Variants in CDH3 observed in about 807,000 individuals in gnomAD.
CDH3 encodes the protein cadherin 3.
A neutral mutation model predicts 82.0 loss-of-function variants in CDH3; 54 were observed. The observed-to-expected ratio is 0.66, with a 90% confidence interval of 0.53 to 0.83. CDH3 has a LOEUF of 0.83. CDH3 is among the 40% of genes least tolerant of loss of function. The pLI, the probability that CDH3 is intolerant of heterozygous loss-of-function variation, is 0.00. For missense variants in CDH3, 1,054 were observed against 1,084.6 expected (o/e 0.97, Z 0.40); for synonymous variants, 446 against 437.9 (o/e 1.02, Z -0.23).
rs1054112411 is a variant in CDH3 at position 68,707,308 on chromosome 16, TG to T, written c.99+11388del. Among the ~76,000 whole-genome samples the T allele has an allele frequency of 1.1e-4, 16 of 152,292 alleles. No individual in the cohort carries two copies. The highest frequency in any genetic ancestry group is 2.0e-4 in the Admixed American group (3 of 15,290). On this transcript the variant is annotated intron_variant, in intron 1 of 2. Transcript: ENST00000569080. The surrounding 1 kb of genome is among the most constrained non-coding windows in gnomAD (Gnocchi z 4.5). ...AGCGGGGGGCCAAGGCGCCCAGTCC[TG>T]GGTGTCCTCCTTCACGCCTGGGCTG...
chr16:68,699,300 TGA>T lies in CDH3; in HGVS notation c.*907_*908del, dbSNP rs1454216838. The T allele has an allele frequency of 1.3e-5, 2 of 152,084 alleles. No homozygotes were observed. The highest frequency in any genetic ancestry group is 2.4e-5 in the African/African-American group (1 of 41,410). The allele number at this position is 152,084 out of a possible 1,614,324, so 9.4% of individuals were successfully genotyped here. Reference sequence around the variant, plus strand: ...CTCCTTTGCAAAGTCAGTTGCTCCATGAGAGAGAACCATTAACCTCTTACCCC... The same window carrying T: ...CTCCTTTGCAAAGTCAGTTGCTCCATGAGAGAACCATTAACCTCTTACCCC... On this transcript the variant is annotated 3_prime_UTR_variant, in exon 16 of 16. Transcript: ENST00000264012.
intron 9 of CDH3, among the ~76,000 whole-genome samples, chr16:68,684,217 G>A (rs1470951679): frequency 6.6e-6 from 1 of 152,154 alleles, no homozygotes; most frequent in Non-Finnish European, 1.5e-5. Flanking sequence ...GGGTGACAGA[G>A]CAAGATCCTG....
chr16:68,654,757 C>G (rs1960368422), intron 2 of CDH3, among the ~76,000 whole-genome samples: 2 of 140,526 alleles, frequency 1.4e-5, no homozygotes, highest in African/African-American at 5.2e-5. Context: ...TTAGAGGCGG[C>G]CGGCATGATG....
chr16:68,714,087 C>T (rs1024504782), intron 1 of CDH3, among the ~76,000 whole-genome samples: 1 of 152,046 alleles, frequency 6.6e-6, no homozygotes, highest in African/African-American at 2.4e-5. Flanking sequence ...GTACACGCTA[C>T]CATGCCCAGC....
intron 15 of CDH3, chr16:68,696,347 G>A (rs1310728804): frequency 6.2e-6 from 2 of 322,768 alleles, no homozygotes; most frequent in Non-Finnish European, 1.2e-5. Context: ...GAACCAAGGA[G>A]GCAGAGGTTG....
At chr16:68,650,131 G>T (rs1386597545) in intron 2 of CDH3, among the ~76,000 whole-genome samples, 2 of 151,862 alleles carry the variant, frequency 1.3e-5, no homozygotes, top group African/African-American at 4.8e-5. Context: ...GCTCCCTTGT[G>T]CAGGCCTCAG....
chr16:68,654,536 C>G (rs1197274818), intron 2 of CDH3, among the ~76,000 whole-genome samples: 2 of 139,374 alleles, frequency 1.4e-5, no homozygotes, highest in African/African-American at 5.3e-5. Flanking sequence ...AACCCTGTCT[C>G]TACTAAAAAT....
intron 1 of CDH3, among the ~76,000 whole-genome samples, chr16:68,712,037 CTTTTT>C (rs58452743): frequency 1.7e-5 from 2 of 119,414 alleles, no homozygotes; most frequent in South Asian, 2.7e-4. Context: ...TTTTTGTTTT[CTTTTT>C]TTTTTTTTTT....
At chr16:68,717,898 C>A (rs1962113251) in intron 1 of CDH3, among the ~76,000 whole-genome samples, 1 of 152,176 alleles carries the variant, frequency 6.6e-6, no homozygotes, top group South Asian at 2.1e-4. Flanking sequence ...CAGCACCAGG[C>A]CTTCACTATA....
intron 15 of CDH3, among the ~76,000 whole-genome samples, chr16:68,697,185 G>C (rs554471456): frequency 6.6e-6 from 1 of 151,844 alleles, no homozygotes; most frequent in African/African-American, 2.4e-5. Flanking sequence ...TTAGCTGGGC[G>C]TCCTGGTGGG....
chr16:68,665,034 T>C (rs1376839987), intron 2 of CDH3, among the ~76,000 whole-genome samples: 3 of 152,230 alleles, frequency 2.0e-5, no homozygotes, highest in African/African-American at 7.2e-5. Context: ...CTTAGGATTC[T>C]GAATGGCCTT....
At chr16:68,726,301 C>T (rs890043450) in intron 2 of CDH3, among the ~76,000 whole-genome samples, 5 of 152,184 alleles carry the variant, frequency 3.3e-5, no homozygotes, top group Non-Finnish European at 5.9e-5. Context: ...GTCACCTGCT[C>T]CCCTGACCTG....
chr16:68,656,569 T>A (rs11648220), intron 2 of CDH3, among the ~76,000 whole-genome samples: 51,124 of 152,064 alleles, frequency 0.34, 9,461 homozygotes, highest in East Asian at 0.54. Flanking sequence ...CCCATTTAAC[T>A]GGATAGGAAA....
chr16:68,678,969 C>T (rs1961124611), intron 6 of CDH3, 63 bp downstream of exon 6: 1 of 1,520,500 alleles, frequency 6.6e-7, no homozygotes, highest in African/African-American at 1.4e-5. Flanking sequence ...GCTAAAAGAT[C>T]CCACCATACC....
downstream of CDH3, among the ~76,000 whole-genome samples, chr16:68,729,581 G>A (rs566404638): frequency 1.8e-4 from 27 of 152,160 alleles, no homozygotes; most frequent in Non-Finnish European, 3.5e-4. Flanking sequence ...GAGTCTTAAG[G>A]GGCATAACAG....
intron 15 of CDH3, among the ~76,000 whole-genome samples, chr16:68,697,436 T>G (rs1961762480): frequency 6.6e-6 from 1 of 152,068 alleles, no homozygotes; most frequent in South Asian, 2.1e-4. Context: ...TGATTGCACC[T>G]GGGGGGCAAA....
At chr16:68,701,543 AAT>A (rs1491325010), downstream of CDH3, among the ~76,000 whole-genome samples, 1 of 115,766 alleles carries the variant, frequency 8.6e-6, no homozygotes, top group Non-Finnish European at 1.8e-5. Context: ...CATTACACAC[AAT>A]TTTTTTTTTT....
intron 2 of CDH3, among the ~76,000 whole-genome samples, chr16:68,655,858 G>A (rs139759827): frequency 0.014 from 2,134 of 152,134 alleles, 16 homozygotes; most frequent in African/African-American, 0.022. Flanking sequence ...GCGAGACGCC[G>A]TCTCAAAAAA....
intron 11 of CDH3, among the ~76,000 whole-genome samples, 178 bp downstream of exon 11, chr16:68,685,528 G>A (rs992805039): frequency 2.0e-5 from 3 of 152,198 alleles, no homozygotes; most frequent in African/African-American, 4.8e-5. Context: ...GTCCTAGGCC[G>A]GATGCAGTGG....
Sources: gnomAD v4.1 joint callset for allele counts (sites outside exome capture counted in the v4.1 genomes callset) on GRCh38, gnomAD v4.1.1 for gene constraint, Gnocchi (gnomAD v3.1) non-coding constraint, MANE v1.5 for transcripts, NCBI Gene and HGNC (gene_info 2026-07-23, HGNC 2026-07-21) for gene names.